The following ERO1B variants were observed in gnomAD, a reference collection of about 807,000 sequenced individuals.
ERO1B encodes ERO1-like protein beta.
In ERO1B, 49 loss-of-function variants were observed where a neutral mutation model predicts 75.3. That is an observed-to-expected ratio of 0.65 (90% CI 0.52 to 0.83). The LOEUF (loss-of-function observed/expected upper bound fraction) is 0.83. Among genes scored for constraint, ERO1B ranks in the 40% least tolerant of loss-of-function variants. The pLI is 0.00. For missense variants in ERO1B, 512 were observed against 560.1 expected, an observed-to-expected ratio of 0.91 and a Z score of 0.87; for synonymous variants, 191 against 192.9, an observed-to-expected ratio of 0.99 and a Z score of 0.08.
chr1:236,269,833 T>G (rs1002078949), intron 2 of ERO1B, 42 bp downstream of exon 2: 1 of 1,394,272 alleles, frequency 7.2e-7, no homozygotes, highest in Non-Finnish European at 9.7e-7. Flanking sequence ...AGGTCACATA[T>G]AATACCTTTG....
At chr1:236,225,661 G>A (rs888682854) in intron 12 of ERO1B, among the ~76,000 whole-genome samples, 1 of 152,180 alleles carries the variant, frequency 6.6e-6, no homozygotes, top group Non-Finnish European at 1.5e-5. Context: ...GAGGCCAGGC[G>A]CGATGGCCCA....
At chr1:236,260,761 C>CA (rs991711001) in intron 2 of ERO1B, among the ~76,000 whole-genome samples, 12 of 151,436 alleles carry the variant, frequency 7.9e-5, no homozygotes, top group Non-Finnish European at 1.5e-4. Flanking sequence ...TTAAACTTTT[C>CA]AAAAAAATTG....
Position 236,250,618 on chromosome 1 carries a change from T to TATATATATATATATGTATAG in ERO1B, c.349-652_349-651insCTATACATATATATATATAT, listed in dbSNP as rs1491338079. 3.6e-5 allele frequency among the ~76,000 whole-genome samples: 4 copies of TATATATATATATATGTATAG among 110,236 alleles called. 2 individuals are homozygous for TATATATATATATATGTATAG. The highest frequency in any genetic ancestry group is 7.7e-5 in the Non-Finnish European group (4 of 52,002). 72.3% of individuals were successfully genotyped at this position (110,236 alleles called of 152,430 possible). The stretch of plus-strand genomic sequence containing the variant: ...ATATATATATATATATATATATATA[T>TATATATATATATATGTATAG]CAAACGTGTGTGTGCAAACATATAT... On this transcript the variant is annotated intron_variant, in intron 4 of 15. Transcript: ENST00000354619.
At chr1:236,224,358 G>A (rs1304800253) in intron 13 of ERO1B, among the ~76,000 whole-genome samples, 1 of 151,938 alleles carries the variant, frequency 6.6e-6, no homozygotes, top group African/African-American at 2.4e-5. Flanking sequence ...GCTTGTGCCT[G>A]TAATCCTAGG....
intron 2 of ERO1B, among the ~76,000 whole-genome samples, chr1:236,266,433 G>A (rs556267323): frequency 8.1e-4 from 123 of 152,130 alleles, no homozygotes; most frequent in Non-Finnish European, 1.4e-3. Context: ...GTGAAACCCC[G>A]TATCTACTAA....
At chr1:236,271,337 C>T (rs1665584715) in intron 1 of ERO1B, among the ~76,000 whole-genome samples, 1 of 152,152 alleles carries the variant, frequency 6.6e-6, no homozygotes, top group Non-Finnish European at 1.5e-5. Context: ...ATTCTCTCTC[C>T]CTAGGAGTAT....
rs1484202197 is a variant in ERO1B at position 236,217,674 on chromosome 1, GT to G, written c.*841del. Reference sequence around the variant, plus strand: ...GTAATCTGTTAAATATTTCTGCAGTGTTTTCTTTCTAAAAGTAACTGACAAT... The same window carrying G: ...GTAATCTGTTAAATATTTCTGCAGTGTTTCTTTCTAAAAGTAACTGACAAT... On this transcript the variant is annotated 3_prime_UTR_variant, in exon 16 of 16. Transcript: ENST00000354619. 1 of 152,480 alleles carries G rather than the reference GT, an allele frequency of 6.6e-6. No homozygotes were observed. The highest frequency in any genetic ancestry group is 1.5e-5 in the Non-Finnish European group (1 of 67,976). The allele number at this position is 152,480 out of a possible 1,614,324, so 9.4% of individuals were successfully genotyped here. A position where few individuals can be genotyped will look rare whatever the true frequency, so the allele number is the denominator to read the frequency against.
chr1:236,248,738 C>G (rs1196192678), intron 5 of ERO1B, among the ~76,000 whole-genome samples: 1 of 151,906 alleles, frequency 6.6e-6, no homozygotes, highest in African/African-American at 2.4e-5. Flanking sequence ...AAAACAAAAA[C>G]AGACTGGATA....
intron 9 of ERO1B, among the ~76,000 whole-genome samples, chr1:236,231,502 A>T (rs1220101224): frequency 6.7e-6 from 1 of 148,666 alleles, no homozygotes; most frequent in African/African-American, 2.5e-5. Context: ...AAACACTTGA[A>T]AAAAAAAAAA....
intron 2 of ERO1B, 42 bp from the exon 3 acceptor site, chr1:236,253,547 A>G: frequency 3.8e-6 from 5 of 1,315,480 alleles, no homozygotes; most frequent in Non-Finnish European, 5.4e-6. Flanking sequence ...TATTATAGTT[A>G]TGGGGTGCTC....
At chr1:236,271,849 T>A (rs534449474) in intron 1 of ERO1B, among the ~76,000 whole-genome samples, 1 of 152,180 alleles carries the variant, frequency 6.6e-6, no homozygotes, top group African/African-American at 2.4e-5. Context: ...TTCTTTCTTA[T>A]AAATTTTTCT....
At chr1:236,237,508 C>T (rs1180818439) in intron 6 of ERO1B, among the ~76,000 whole-genome samples, 3 of 152,236 alleles carry the variant, frequency 2.0e-5, no homozygotes, top group East Asian at 3.9e-4. Flanking sequence ...AAATGGGAAA[C>T]GTGCTTTTCA....
At chr1:236,256,090 GCT>G (rs1665152905) in intron 2 of ERO1B, among the ~76,000 whole-genome samples, 1 of 152,100 alleles carries the variant, frequency 6.6e-6, no homozygotes, top group African/African-American at 2.4e-5. Context: ...TCTTCCCCTG[GCT>G]TACTTCAGGC....
At chr1:236,238,220 C>T (rs1322764878) in intron 6 of ERO1B, among the ~76,000 whole-genome samples, 1 of 152,028 alleles carries the variant, frequency 6.6e-6, no homozygotes, top group Non-Finnish European at 1.5e-5. Context: ...ATTTCTAGCT[C>T]TAAATTTGTA....
chr1:236,239,908 TATA>T (rs1558510978), intron 6 of ERO1B, among the ~76,000 whole-genome samples: 13 of 134,104 alleles, frequency 9.7e-5, no homozygotes, highest in African/African-American at 1.4e-4. Context: ...TATATATATA[TATA>T]TTTTTTTTTT....
rs1358538330 is a variant in ERO1B at position 236,243,043 on chromosome 1, T to C, written c.505+379A>G. On this transcript the variant is annotated intron_variant, in intron 6 of 15. Coordinates refer to ENST00000354619, the MANE Select transcript of ERO1B (RefSeq NM_019891.4). ...CAGACCTATAACTAAGTGGCTTCAA[T>C]TGAAGGTCCATGGCAGATGGTATAT... 2.6e-5 allele frequency among the ~76,000 whole-genome samples: 4 copies of C among 152,340 alleles called. No individual in the cohort carries two copies. The East Asian group carries it at 5.8e-4, about 22-fold the overall frequency.
chr1:236,277,487 A>G (rs77454332), intron 1 of ERO1B, among the ~76,000 whole-genome samples: 3,812 of 152,294 alleles, frequency 0.025, 46 homozygotes, highest in Middle Eastern at 0.041. Flanking sequence ...GATCCAGGAA[A>G]GAAAGAGAAG....
At chr1:236,236,724 G>A (rs1664557078) in intron 6 of ERO1B, among the ~76,000 whole-genome samples, 1 of 152,126 alleles carries the variant, frequency 6.6e-6, no homozygotes, top group Non-Finnish European at 1.5e-5. Context: ...GGATTGAAAA[G>A]ACCAAACAGA....
At position 236,226,512 on chromosome 1, in the gene ERO1B, G is replaced by T. The variant is rs563572029; in HGVS notation, c.809C>A (p.Thr270Asn). ...AGGTCCCCAACTGGGCTTACCCCAGGTTTCTAAAGAGAAAGAGAAATACAT... is the reference window on the plus strand; with the variant it reads ...AGGTCCCCAACTGGGCTTACCCCAGTTTTCTAAAGAGAAAGAGAAATACAT... ...HLCANYLLEE[T>N]WGKPSWGPNI... Residue 270 changes from threonine to asparagine, a missense_variant, in exon 12 of 16, where the codon ACC becomes AAC. Physicochemically the swap from Thr to Asn is moderately conservative, Grantham distance 65 (BLOSUM62 0). Coordinates refer to ENST00000354619, the MANE Select transcript of ERO1B (RefSeq NM_019891.4). 2.9e-4 allele frequency: 465 copies of T among 1,608,758 alleles called. 6 individuals carry two copies. The South Asian group carries it at 4.8e-3, about 17-fold the overall frequency.
Sources: gnomAD v4.1 joint callset for allele counts (sites outside exome capture counted in the v4.1 genomes callset) on GRCh38, gnomAD v4.1.1 for gene constraint, MANE v1.5 for transcripts, NCBI Gene and HGNC (gene_info 2026-07-23, HGNC 2026-07-21) for gene names.